ART3: variants seen among roughly 807,000 people sequenced by gnomAD.
ART3 encodes the protein ecto-ADP-ribosyltransferase 3.
A neutral mutation model predicts 48.5 loss-of-function variants in ART3; 49 were observed. That is an observed-to-expected ratio of 1.01 (90% CI 0.80 to 1.28). The LOEUF (loss-of-function observed/expected upper bound fraction) is 1.28. Ranked by LOEUF, ART3 falls within the 50% of genes most tolerant of loss-of-function variation. The pLI, the probability that ART3 is intolerant of heterozygous loss-of-function variation, is 0.00. For synonymous variants in ART3, 145 were observed against 157.2 expected, an observed-to-expected ratio of 0.92 and a Z score of 0.58; for missense variants, 438 against 454.3, an observed-to-expected ratio of 0.96 and a Z score of 0.33.
At chr4:76,050,517 G>A (rs1735956774) in intron 1 of ART3, among the ~76,000 whole-genome samples, 1 of 152,168 alleles carries the variant, frequency 6.6e-6, no homozygotes, top group African/African-American at 2.4e-5. Context: ...AGGGCCGATT[G>A]GTGTATTTGC....
intron 1 of ART3, among the ~76,000 whole-genome samples, chr4:76,013,137 C>T (rs1731953260): frequency 6.6e-6 from 1 of 152,144 alleles, no homozygotes; most frequent in Non-Finnish European, 1.5e-5. Flanking sequence ...AAGTGCACAA[C>T]CCTGGCTGAT....
chr4:76,066,313 G>A (rs896387028), intron 1 of ART3, among the ~76,000 whole-genome samples: 6 of 152,112 alleles, frequency 3.9e-5, no homozygotes, highest in Admixed American at 6.6e-5. Flanking sequence ...TGAAGGGTGA[G>A]GAAGAAGAAG....
rs764213946 is a variant in ART3 at position 76,034,745 on chromosome 4, T to C, written c.-10+23425T>C. ...TCAGTAGTCACAGTTAAACTTGTTC[T>C]AGGTTTTTCAGATGCTCTTTTCCAG... On this transcript the variant is annotated intron_variant, in intron 1 of 9. Transcript: ENST00000341029. 12 of 1,368,574 alleles carry C rather than the reference T, an allele frequency of 8.8e-6. 1 individual carries two copies. The Admixed American group carries it at 2.1e-4, about 24-fold the overall frequency. The allele number at this position is 1,368,574 out of a possible 1,614,324, so 84.8% of individuals were successfully genotyped here.
intron 1 of ART3, among the ~76,000 whole-genome samples, chr4:76,049,753 G>A (rs530614267): frequency 2.6e-5 from 4 of 152,110 alleles, no homozygotes; most frequent in African/African-American, 9.6e-5. Flanking sequence ...TGGTCTTACC[G>A]CTCGGCGATA....
At chr4:76,070,654 G>A (rs4859608), upstream of ART3, among the ~76,000 whole-genome samples, 92,582 of 151,980 alleles carry the variant, frequency 0.61, 29,284 homozygotes, top group East Asian at 0.94. Flanking sequence ...TTTAAATTCA[G>A]GTAGCCCCTT....
At chr4:76,065,440 C>T (rs1470962261) in intron 1 of ART3, among the ~76,000 whole-genome samples, 4 of 152,002 alleles carry the variant, frequency 2.6e-5, no homozygotes, top group Non-Finnish European at 5.9e-5. Context: ...TGTACAAACT[C>T]CACATAGACA....
chr4:76,030,620 A>G (rs1733792614), intron 1 of ART3, among the ~76,000 whole-genome samples: 2 of 152,168 alleles, frequency 1.3e-5, no homozygotes, highest in Non-Finnish European at 2.9e-5. Context: ...CTCCATACTC[A>G]TTAAGTAGTT....
chr4:76,076,601 A>G (rs1245558849), intron 2 of ART3, among the ~76,000 whole-genome samples: 1 of 152,206 alleles, frequency 6.6e-6, no homozygotes, highest in East Asian at 1.9e-4. Flanking sequence ...CACACTGTAC[A>G]TAGAATTTTT....
intron 1 of ART3, among the ~76,000 whole-genome samples, chr4:76,061,678 T>C (rs940883121): frequency 1.3e-5 from 2 of 152,216 alleles, no homozygotes; most frequent in Admixed American, 6.5e-5. Context: ...ATAAAACATA[T>C]CATGCTGTCC....
chr4:76,014,712 C>T (rs1732105552), intron 1 of ART3, among the ~76,000 whole-genome samples: 3 of 151,236 alleles, frequency 2.0e-5, no homozygotes, highest in Admixed American at 2.0e-4. Context: ...CAGTGAACTC[C>T]AAGCAAGTTA....
intron 1 of ART3, among the ~76,000 whole-genome samples, chr4:76,016,136 T>C (rs1400806141): frequency 6.6e-6 from 1 of 152,232 alleles, no homozygotes; most frequent in African/African-American, 2.4e-5. Context: ...CTATTCTAGG[T>C]TAAACATGTT....
chr4:76,083,621 G>A (rs1446728338), intron 3 of ART3, among the ~76,000 whole-genome samples: 1 of 152,156 alleles, frequency 6.6e-6, no homozygotes, highest in Non-Finnish European at 1.5e-5. Flanking sequence ...ACTTGTGACT[G>A]TTGCAGCTCT....
At chr4:76,055,485 A>G (rs575824990) in intron 1 of ART3, among the ~76,000 whole-genome samples, 1 of 152,222 alleles carries the variant, frequency 6.6e-6, no homozygotes, top group African/African-American at 2.4e-5. Flanking sequence ...CACTTAACAC[A>G]TTTAGTTAAG....
chr4:76,054,515 G>T (rs1718490152), intron 1 of ART3, among the ~76,000 whole-genome samples: 1 of 152,000 alleles, frequency 6.6e-6, no homozygotes, highest in African/African-American at 2.4e-5. Context: ...CTTTCTTTTG[G>T]ATTCAAAACA....
chr4:76,062,398 A>G (rs1308889964), intron 1 of ART3, among the ~76,000 whole-genome samples: 1 of 152,192 alleles, frequency 6.6e-6, no homozygotes, highest in Non-Finnish European at 1.5e-5. Flanking sequence ...TTTAGTCAAT[A>G]TAAAATATAC....
chr4:76,111,661 G>C (rs966086143), intron 11 of ART3, among the ~76,000 whole-genome samples: 2 of 152,112 alleles, frequency 1.3e-5, no homozygotes. Flanking sequence ...TCCTGCCTCA[G>C]CCTCCTGAGT....
At chr4:76,057,713 T>C (rs1486895746) in intron 1 of ART3, among the ~76,000 whole-genome samples, 2 of 152,200 alleles carry the variant, frequency 1.3e-5, no homozygotes. Flanking sequence ...ATTGGTCACA[T>C]AGCTAGAAAG....
intron 1 of ART3, among the ~76,000 whole-genome samples, chr4:76,053,085 T>G (rs1346035413): frequency 2.0e-5 from 3 of 152,202 alleles, no homozygotes; most frequent in Admixed American, 6.5e-5. Context: ...CCCTGAAAGT[T>G]GAGCACAAAA....
At chr4:76,087,253 G>T (rs898816957) in intron 3 of ART3, among the ~76,000 whole-genome samples, 1 of 152,162 alleles carries the variant, frequency 6.6e-6, no homozygotes, top group African/African-American at 2.4e-5. Context: ...TCAGACCCGC[G>T]TGGAGAAGTG....
Sources: gnomAD v4.1 joint callset for allele counts (sites outside exome capture counted in the v4.1 genomes callset) on GRCh38, gnomAD v4.1.1 for gene constraint, MANE v1.5 for transcripts, NCBI Gene and HGNC (gene_info 2026-07-23, HGNC 2026-07-21) for gene names.